PDZD4: variants seen among roughly 807,000 people sequenced by gnomAD.
The protein encoded by PDZD4 is PDZ domain-containing protein 4.
A neutral mutation model predicts 38.5 loss-of-function variants in PDZD4; 9 were observed. The ratio of observed to expected loss-of-function variants is 0.23; its 90% CI spans 0.14 to 0.41. The LOEUF is 0.41. PDZD4 is among the 10% of genes least tolerant of loss of function. The probability of loss-of-function intolerance (pLI) is 1.00; values close to 1 mark genes in which losing one functional copy is unlikely to be tolerated. For missense variants in PDZD4, 612 were observed against 722.0 expected, an observed-to-expected ratio of 0.85 and a Z score of 1.75; for synonymous variants, 349 against 315.7, an observed-to-expected ratio of 1.11 and a Z score of -1.12.
At chrX:153,806,901 G>C in intron 3 of PDZD4, 61 bp from the exon 4 acceptor site, 23 of 997,255 alleles carry the variant, frequency 2.3e-5, no homozygotes, top group Non-Finnish European at 2.8e-5. Flanking sequence ...GTGAGTGAGG[G>C]AGCAGGCAGC....
At position 153,804,637 on chromosome X, in the gene PDZD4, T is replaced by G; in HGVS notation, c.1044A>C (p.Gly348=). Residue 348 remains glycine, a synonymous_variant, in exon 8 of 8, where the codon GGA becomes GGC. Coordinates refer to ENST00000393758, the MANE Select transcript of PDZD4 (RefSeq NM_001303512.2). ...DSLLAEGAGL[G]GGDVPGLTDE... is the part of the protein sequence containing the mutation. ...CCGTGAGGCCCGGGACGTCGCCCCC[T>G]CCCAGCCCCGCCCCCTCGGCCAGCA... The G allele has an allele frequency of 4.8e-5, 33 of 692,270 alleles. No individual in the cohort carries two copies. The highest frequency in any genetic ancestry group is 6.4e-5 in the East Asian group (1 of 15,731). The allele number at this position is 692,270 out of a possible 1,213,427, so 57.1% of individuals were successfully genotyped here. A position where few individuals can be genotyped will look rare whatever the true frequency, so the allele number is the denominator to read the frequency against.
intron 1 of PDZD4, among the ~76,000 whole-genome samples, chrX:153,818,899 C>T (rs1173087053): frequency 1.0e-5 from 1 of 97,752 alleles, no homozygotes; most frequent in Non-Finnish European, 2.1e-5. Context: ...GACACAGGGA[C>T]AGGGGAGGGG....
chrX:153,830,098 A>C, intron 1 of PDZD4, 141 bp downstream of exon 1: 3 of 573,051 alleles, frequency 5.2e-6, no homozygotes, highest in Non-Finnish European at 4.9e-6. Flanking sequence ...CAACAGCCCC[A>C]GGATGGGAGG....
At chrX:153,830,145 T>G in intron 1 of PDZD4, 94 bp downstream of exon 1, 1 of 858,484 alleles carries the variant, frequency 1.2e-6, no homozygotes, top group Non-Finnish European at 1.6e-6. Flanking sequence ...CCTCGAGCCC[T>G]CCCGCTCTCC....
intron 1 of PDZD4, among the ~76,000 whole-genome samples, chrX:153,821,247 C>T (rs1557081208): frequency 1.8e-5 from 2 of 109,795 alleles, no homozygotes; most frequent in Non-Finnish European, 3.8e-5. Flanking sequence ...AGCAGTTAGT[C>T]GGGGGAGGGG....
chrX:153,804,942 A>C (rs1557076402), intron 7 of PDZD4, 42 bp from the exon 8 acceptor site: 1 of 1,168,406 alleles, frequency 8.6e-7, no homozygotes, highest in East Asian at 3.0e-5. Context: ...GGTCCCACGG[A>C]CAGGGATGTC....
At chrX:153,819,145 G>A (rs1191042640) in intron 1 of PDZD4, among the ~76,000 whole-genome samples, 1 of 112,775 alleles carries the variant, frequency 8.9e-6, no homozygotes, top group Non-Finnish European at 1.9e-5. Flanking sequence ...GCGGGAGCAG[G>A]GCGGACCACA....
At position 153,805,037 on chromosome X, in the gene PDZD4, C is replaced by T. The variant is rs1461242471; in HGVS notation, c.780+60G>A. 5.2e-6 allele frequency: 6 copies of T among 1,143,524 alleles called. 1 individual carries two copies. In the South Asian group the frequency reaches 7.4e-5, roughly 14 times the overall value. 94.2% of individuals were successfully genotyped at this position (1,143,524 alleles called of 1,213,427 possible). A position where few individuals can be genotyped will look rare whatever the true frequency, so the allele number is the denominator to read the frequency against. On this transcript the variant is annotated intron_variant, in intron 7 of 7. Transcript: ENST00000393758. ...ATTGGGAGACCCTGCACAGCCTCAG[C>T]GCCTTCCACCCAGTTCTCTCCTCCT...
At chrX:153,823,512 C>T (rs1393877609) in intron 1 of PDZD4, among the ~76,000 whole-genome samples, 1 of 110,031 alleles carries the variant, frequency 9.1e-6, no homozygotes, top group Non-Finnish European at 1.9e-5. Context: ...GCCACCACGC[C>T]TGGTCAATTT....
At chrX:153,819,206 GCCCGC>G (rs2064395468) in intron 1 of PDZD4, among the ~76,000 whole-genome samples, 1 of 112,811 alleles carries the variant, frequency 8.9e-6, no homozygotes, top group East Asian at 2.8e-4. Context: ...ACTCCTGCCC[GCCCGC>G]CCCGCCAACC....
At chrX:153,830,031 G>A in intron 1 of PDZD4, 4 of 615,299 alleles carry the variant, frequency 6.5e-6, no homozygotes, top group Non-Finnish European at 8.9e-6. Flanking sequence ...CGCCCCACCC[G>A]GGCCAACCCC....
chrX:153,808,062 T>TAGA, intron 2 of PDZD4: 2 of 1,057,742 alleles, frequency 1.9e-6, no homozygotes, highest in South Asian at 4.7e-5. Flanking sequence ...GGAGAGAGGA[T>TAGA]GGAGGAGGAG....
At chrX:153,829,992 G>A in intron 1 of PDZD4, 2 of 730,791 alleles carry the variant, frequency 2.7e-6, no homozygotes. Flanking sequence ...TCCCGCGCCC[G>A]CCGCACCGCG....
rs1557076075 is a variant in PDZD4, at chrX:153,804,472, G to A, written c.1209C>T (p.His403=). 1.7e-6 allele frequency: 2 copies of A among 1,208,855 alleles called. No homozygotes were observed. Among genetic ancestry groups the A allele is most frequent in the Admixed American group, 2.2e-5 (1 of 45,970 alleles). ...GCTCCTCCTCCAGCATGGCCATCTC[G>A]TGGCCCAGGCTCTCGTTGCGGTTGA... ...LDVNRNESLG[H]EMAMLEEELR... is the part of the protein sequence containing the mutation. Residue 403 remains histidine, a synonymous_variant, in exon 8 of 8, where the codon CAC becomes CAT. Transcript: ENST00000393758.
Position 153,824,322 on chromosome X carries a change from C to T in PDZD4, c.60+5917G>A, listed in dbSNP as rs1361698377. Among the ~76,000 whole-genome samples the T allele has an allele frequency of 4.5e-5, 5 of 111,364 alleles. No homozygotes were observed. In the Admixed American group the frequency reaches 4.8e-4, roughly 11 times the overall value. The stretch of plus-strand genomic sequence containing the variant: ...TGGCAGTCAGAATTCAGTGTCCAGC[C>T]CTCTGTTCTTCCACTCCACAAGGAC... On this transcript the variant is annotated intron_variant, in intron 1 of 7. Coordinates refer to ENST00000393758, the MANE Select transcript of PDZD4 (RefSeq NM_001303512.2).
Position 153,805,255 on chromosome X carries a change from T to C in PDZD4, c.670-48A>G, listed in dbSNP as rs1239780296. The C allele has an allele frequency of 2.8e-6, 3 of 1,065,161 alleles. No homozygotes were observed. The African/African-American group carries it at 5.5e-5, about 20-fold the overall frequency. 87.8% of individuals were successfully genotyped at this position (1,065,161 alleles called of 1,213,427 possible). On this transcript the variant is annotated intron_variant, in intron 6 of 7. Transcript: ENST00000393758. ...CCCCACAGCTTCAAGGACCTCCCCA[T>C]ATACCCTTCTTGTCTGCTCTGGACC... is the stretch of plus-strand genomic sequence containing the variant.
chrX:153,809,963 A>G (rs1312467513), intron 1 of PDZD4, among the ~76,000 whole-genome samples: 1 of 112,941 alleles, frequency 8.9e-6, no homozygotes, highest in African/African-American at 3.2e-5. Context: ...CAGTGCCCAC[A>G]AGGTCGAAGG....
At position 153,830,322 on chromosome X, in the gene PDZD4, G is replaced by A. The variant is rs782449875; in HGVS notation, c.-24C>T. On this transcript the variant is annotated 5_prime_UTR_variant, in exon 1 of 8. Coordinates refer to ENST00000393758, the MANE Select transcript of PDZD4 (RefSeq NM_001303512.2). ...ATGTTGCTGGCCGGCGAGAGGAGGC[G>A]GAGGGCGGGAACGGGAAGACGCCTT... 2.0e-5 allele frequency: 24 copies of A among 1,191,298 alleles called. No individual in the cohort carries two copies. Among genetic ancestry groups the A allele is most frequent in the Non-Finnish European group, 2.5e-5 (22 of 883,697 alleles).
chrX:153,804,462 T>C lies in PDZD4; in HGVS notation c.1219A>G (p.Met407Val), dbSNP rs782021692. 5.2e-5 allele frequency: 63 copies of C among 1,209,009 alleles called. No individual in the cohort carries two copies. The highest frequency in any genetic ancestry group is 8.8e-5 in the South Asian group (5 of 56,909). The change falls in exon 8 of 8, where the codon ATG (methionine) becomes GTG (valine). Residue 407 changes from methionine to valine, a missense_variant. Met to Val is a conservative substitution (Grantham distance 21). Coordinates refer to ENST00000393758, the MANE Select transcript of PDZD4 (RefSeq NM_001303512.2). ...RNESLGHEMA[M>V]LEEELRHLEF... ...AGGTGCCTTAGCTCCTCCTCCAGCA[T>C]GGCCATCTCGTGGCCCAGGCTCTCG...
Sources: gnomAD v4.1 joint callset for allele counts (sites outside exome capture counted in the v4.1 genomes callset) on GRCh38, gnomAD v4.1.1 for gene constraint, MANE v1.5 for transcripts, NCBI Gene and HGNC (gene_info 2026-07-23, HGNC 2026-07-21) for gene names.